The following RBFOX1 variants were observed in gnomAD, a reference collection of about 807,000 sequenced individuals.
RBFOX1 encodes the protein RNA binding fox-1 homolog 1, also known as RNA binding protein fox-1 homolog 1.
RBFOX1 carries 8 observed loss-of-function variants against 57.7 expected under a neutral mutation model. That is an observed-to-expected ratio of 0.14 (90% CI 0.08 to 0.25). The LOEUF (loss-of-function observed/expected upper bound fraction) is 0.25. RBFOX1 is among the 10% of genes least tolerant of loss of function. The probability of loss-of-function intolerance (pLI) is 1.00; values close to 1 mark genes in which losing one functional copy is unlikely to be tolerated. For missense variants in RBFOX1, 611 were observed against 548.5 expected (o/e 1.11, Z -1.14); for synonymous variants, 326 against 222.4 (o/e 1.47, Z -4.15).
At chr16:7,122,387 T>G (rs2067384006) in intron 4 of RBFOX1, among the ~76,000 whole-genome samples, 2 of 152,124 alleles carry the variant, frequency 1.3e-5, no homozygotes, top group South Asian at 2.1e-4. Flanking sequence ...CCTTTCTTAT[T>G]GGGTCCTGAG....
intron 1 of RBFOX1, among the ~76,000 whole-genome samples, chr16:6,266,155 G>A (rs1044048541): frequency 9.9e-5 from 15 of 152,150 alleles, no homozygotes; most frequent in Admixed American, 8.5e-4. Flanking sequence ...TTCTCCCACT[G>A]TGGAGAGATC....
At chr16:6,901,756 A>G (rs1362851883) in intron 3 of RBFOX1, among the ~76,000 whole-genome samples, 1 of 152,216 alleles carries the variant, frequency 6.6e-6, no homozygotes, top group Admixed American at 6.5e-5. Flanking sequence ...CAGACCCAGT[A>G]GAGATTAACA....
chr16:7,029,159 T>G (rs1296146667), intron 3 of RBFOX1, among the ~76,000 whole-genome samples: 1 of 82,580 alleles, frequency 1.2e-5, no homozygotes, highest in Non-Finnish European at 2.7e-5. Flanking sequence ...TGTATATATA[T>G]ACACATATAT....
rs990272027 is a variant in RBFOX1 at position 7,572,721 on chromosome 16, C to T, written c.271-7056C>T. 3.9e-5 allele frequency among the ~76,000 whole-genome samples: 6 copies of T among 152,090 alleles called. No individual in the cohort carries two copies. In the East Asian group the frequency reaches 9.6e-4, roughly 24 times the overall value. On this transcript the variant is annotated intron_variant, in intron 5 of 15. Coordinates refer to ENST00000550418, the MANE Select transcript of RBFOX1 (RefSeq NM_018723.4). ...GGGCGTAGTGGCTGGCGCCTGTAGTCACAGCTACTCGGGAGGCTGAGGCAG... is the reference window on the plus strand; with the variant it reads ...GGGCGTAGTGGCTGGCGCCTGTAGTTACAGCTACTCGGGAGGCTGAGGCAG...
intron 4 of RBFOX1, among the ~76,000 whole-genome samples, chr16:7,471,345 A>G (rs8048837): frequency 0.49 from 75,155 of 151,944 alleles, 18,832 homozygotes; most frequent in East Asian, 0.76. Flanking sequence ...TATTTGAAGG[A>G]AAACTGCTGG....
At position 7,496,918 on chromosome 16, in the gene RBFOX1, C is replaced by G. The variant is rs141457336; in HGVS notation, c.28-21229C>G. On this transcript the variant is annotated intron_variant, in intron 4 of 15. Coordinates refer to ENST00000550418, the MANE Select transcript of RBFOX1 (RefSeq NM_018723.4). The stretch of plus-strand genomic sequence containing the variant: ...AGGATTAGAGTCATTGGTACCCATA[C>G]AGATGTGAAGAAGTTGTCCTGAGAG... 6.1e-3 allele frequency among the ~76,000 whole-genome samples: 922 copies of G among 152,216 alleles called. 14 individuals are homozygous for G. Among genetic ancestry groups the G allele is most frequent in the Admixed American group, 9.7e-3 (149 of 15,302 alleles).
rs1399380451 is a variant in RBFOX1 at position 5,561,958 on chromosome 16, G to A, written c.259-36944G>A. ...CGAGGGCCTCTTTTCCCCTGTCATC[G>A]GTTCATTCATTGGTTAATTTATTCG... On this transcript the variant is annotated intron_variant, in intron 2 of 2. Transcript: ENST00000585867. Among the ~76,000 whole-genome samples, 3 of 152,058 alleles carry A rather than the reference G, an allele frequency of 2.0e-5. No individual in the cohort carries two copies. In the East Asian group the frequency reaches 5.8e-4, roughly 29 times the overall value.
At chr16:5,543,266 G>A (rs1406049857) in intron 2 of RBFOX1, among the ~76,000 whole-genome samples, 1 of 152,086 alleles carries the variant, frequency 6.6e-6, no homozygotes, top group Non-Finnish European at 1.5e-5. Flanking sequence ...AATTAATAAA[G>A]AAGTATCAAA....
At chr16:6,110,122 T>C (rs2096427760) in intron 1 of RBFOX1, among the ~76,000 whole-genome samples, 1 of 152,000 alleles carries the variant, frequency 6.6e-6, no homozygotes, top group African/African-American at 2.4e-5. Context: ...TGTCTATGGA[T>C]AAGTACATCT....
At chr16:5,411,586 A>G (rs953887671) in intron 1 of RBFOX1, among the ~76,000 whole-genome samples, 5 of 152,180 alleles carry the variant, frequency 3.3e-5, no homozygotes, top group Non-Finnish European at 7.3e-5. Context: ...GTTTGTGGCA[A>G]TTTGTTACAG....
At chr16:6,549,465 G>GGGGAGGA (rs1183772716) in intron 2 of RBFOX1, among the ~76,000 whole-genome samples, 7 of 92,794 alleles carry the variant, frequency 7.5e-5, no homozygotes, top group Non-Finnish European at 1.5e-4. Context: ...AAAAGGAAGT[G>GGGGAGGA]GGGAGGAGGG....
intron 1 of RBFOX1, among the ~76,000 whole-genome samples, chr16:5,286,058 C>T (rs562694302): frequency 1.7e-4 from 26 of 152,204 alleles, no homozygotes; most frequent in African/African-American, 6.3e-4. Flanking sequence ...GCATGAACCA[C>T]CACACCTGGC....
chr16:6,896,375 T>C (rs2066915282), intron 3 of RBFOX1, among the ~76,000 whole-genome samples: 1 of 152,200 alleles, frequency 6.6e-6, no homozygotes, highest in Non-Finnish European at 1.5e-5. Context: ...AATATGTATG[T>C]CTTTTTCTTT....
intron 1 of RBFOX1, among the ~76,000 whole-genome samples, chr16:5,411,329 A>T (rs1282193251): frequency 6.6e-6 from 1 of 152,162 alleles, no homozygotes; most frequent in Non-Finnish European, 1.5e-5. Flanking sequence ...GTAAGAGAGA[A>T]GTAGCAGAGT....
At chr16:7,502,576 T>C (rs986279086) in intron 4 of RBFOX1, among the ~76,000 whole-genome samples, 5 of 152,120 alleles carry the variant, frequency 3.3e-5, no homozygotes, top group Non-Finnish European at 7.3e-5. Flanking sequence ...AGGCATAAAC[T>C]TTTTTGTTTG....
intron 1 of RBFOX1, among the ~76,000 whole-genome samples, chr16:5,320,533 A>T (rs2064373673): frequency 6.6e-6 from 1 of 152,224 alleles, no homozygotes; most frequent in African/African-American, 2.4e-5. Flanking sequence ...CATAAAATTC[A>T]TCAAGTCTCA....
intron 1 of RBFOX1, among the ~76,000 whole-genome samples, chr16:6,206,209 C>T (rs1274361537): frequency 1.3e-5 from 2 of 152,100 alleles, no homozygotes; most frequent in Non-Finnish European, 2.9e-5. Flanking sequence ...GCGTTCTTGG[C>T]TTCCTTTCAG....
chr16:5,485,345 C>CAA (rs71142624), intron 2 of RBFOX1, among the ~76,000 whole-genome samples: 3,185 of 50,900 alleles, frequency 0.063, 366 homozygotes, highest in African/African-American at 0.14. Flanking sequence ...GACTCCGTGT[C>CAA]AAAAAAAAAA....
chr16:7,148,737 C>T (rs1601027740), intron 4 of RBFOX1, among the ~76,000 whole-genome samples: 1 of 152,174 alleles, frequency 6.6e-6, no homozygotes, highest in African/African-American at 2.4e-5. Context: ...ATCGTTTGAG[C>T]AGAAACCCGA....
Sources: allele counts gnomAD v4.1 joint callset (sites outside exome capture counted in the v4.1 genomes callset), GRCh38; gene constraint gnomAD v4.1.1; transcripts MANE v1.5; gene names NCBI Gene and HGNC (gene_info 2026-07-23, HGNC 2026-07-21).